Variants in GBX1 observed in about 807,000 individuals in gnomAD.
The protein encoded by GBX1 is gastrulation brain homeobox 1.
A neutral mutation model predicts 22.9 loss-of-function variants in GBX1; 9 were observed. The observed-to-expected ratio is 0.39, with a 90% CI of 0.24 to 0.69. The LOEUF is 0.69. Ranked by LOEUF, GBX1 falls within the 30% of genes least tolerant of loss-of-function variation. The probability of loss-of-function intolerance (pLI) is 0.43; values close to 1 mark genes in which losing one functional copy is unlikely to be tolerated. For missense variants in GBX1, 494 were observed against 509.2 expected (o/e 0.97, Z 0.29); for synonymous variants, 203 against 227.3 (o/e 0.89, Z 0.96).
chr7:151,167,451 G>T lies in GBX1; in HGVS notation c.98C>A (p.Pro33Gln), dbSNP rs929834883. 6.6e-7 allele frequency: 1 copy of T among 1,515,954 alleles called. No individual in the cohort carries two copies. The highest frequency in any genetic ancestry group is 8.8e-7 in the Non-Finnish European group (1 of 1,135,438). 93.9% of individuals were successfully genotyped at this position (1,515,954 alleles called of 1,614,324 possible). A position where few individuals can be genotyped will look rare whatever the true frequency, so the allele number is the denominator to read the frequency against. The change falls in exon 1 of 2, where the codon CCG becomes CAG. Residue 33 changes from proline to glutamine, a missense_variant. Transcript: ENST00000297537. The surrounding 1 kb of genome is among the most constrained non-coding windows in gnomAD (Gnocchi z 5.9). ...CAAGTGGCCGGAGCGCGGCGGCGGC[G>T]GCCCGATTAGGGAGTCGATGGAGAA... Reference protein sequence around the residue: ...TAFSIDSLIGPPPPRSGHLLY... With the variant: ...TAFSIDSLIGQPPPRSGHLLY...
At chr7:151,161,484 G>A (rs1439756107) in intron 1 of GBX1, among the ~76,000 whole-genome samples, 1 of 152,168 alleles carries the variant, frequency 6.6e-6, no homozygotes, top group Non-Finnish European at 1.5e-5. Flanking sequence ...GTGCCCTTAA[G>A]TCCTTTGTCA....
At position 151,167,158 on chromosome 7, in the gene GBX1, TGGCGGCGGC is replaced by T; in HGVS notation, c.382_390del (p.Ala128_Ala130del). The T allele has an allele frequency of 6.3e-7, 1 of 1,592,034 alleles. No individual in the cohort carries two copies. The highest frequency in any genetic ancestry group is 8.5e-7 in the Non-Finnish European group (1 of 1,171,704). ...GGCTCGGGGTTGTTTCGGGCGGCAG[TGGCGGCGGC>T]GGCGGCAGCGGCGGCGGCGAGCTCC... is the stretch of plus-strand genomic sequence containing the variant. On this transcript the variant is annotated inframe_deletion, in exon 1 of 2. Transcript: ENST00000297537. The surrounding 1 kb of genome is among the most constrained non-coding windows in gnomAD (Gnocchi z 5.9).
At chr7:151,152,155 G>C (rs1377025706) in intron 1 of GBX1, among the ~76,000 whole-genome samples, 1 of 152,176 alleles carries the variant, frequency 6.6e-6, no homozygotes, top group African/African-American at 2.4e-5. Flanking sequence ...ATACAGAGTA[G>C]ACACTCAATA....
intron 1 of GBX1, among the ~76,000 whole-genome samples, chr7:151,150,684 C>A (rs1197825668): frequency 6.6e-6 from 1 of 151,928 alleles, no homozygotes; most frequent in African/African-American, 2.4e-5. Flanking sequence ...TACACCTGGT[C>A]TTTTTCCTCA....
rs551574242 is a variant in GBX1, at chr7:151,150,075, A to G, written c.539-933T>C. 65 of 376,936 alleles carry G rather than the reference A, an allele frequency of 1.7e-4. 1 individual carries two copies. The highest frequency in any genetic ancestry group is 1.2e-3 in the South Asian group (63 of 54,488). The allele number at this position is 376,936 out of a possible 1,614,324, so 23.3% of individuals were successfully genotyped here. ...AAGAGGGAAAAGTGCAACAGGGACA[A>G]ATGAAGAGAAGGAAAGGGTAAAAAA... is the stretch of plus-strand genomic sequence containing the variant. On this transcript the variant is annotated intron_variant, in intron 1 of 1. Transcript: ENST00000297537.
intron 1 of GBX1, among the ~76,000 whole-genome samples, chr7:151,166,482 C>CCCG (rs1801252049): frequency 8.0e-6 from 1 of 124,984 alleles, no homozygotes; most frequent in African/African-American, 3.6e-5. Flanking sequence ...CAACCCCCCC[C>CCCG]CCCCAACACA....
chr7:151,163,215 A>G (rs1171617972), intron 1 of GBX1, among the ~76,000 whole-genome samples: 1 of 151,944 alleles, frequency 6.6e-6, no homozygotes, highest in African/African-American at 2.4e-5. Flanking sequence ...TGCACACAGC[A>G]AGTTAGCTTT....
At chr7:151,161,255 G>A (rs2150550281) in intron 1 of GBX1, among the ~76,000 whole-genome samples, 1 of 152,148 alleles carries the variant, frequency 6.6e-6, no homozygotes, top group South Asian at 2.1e-4. Context: ...ACTCATGCCT[G>A]CCACTCCAAG....
intron 1 of GBX1, among the ~76,000 whole-genome samples, chr7:151,163,095 C>T (rs549534414): frequency 1.3e-5 from 2 of 152,212 alleles, no homozygotes; most frequent in African/African-American, 2.4e-5. Context: ...CGTGAGCCAC[C>T]GCGCCCAGCT....
intron 1 of GBX1, among the ~76,000 whole-genome samples, chr7:151,162,407 T>C (rs1801195978): frequency 6.6e-6 from 1 of 152,242 alleles, no homozygotes; most frequent in South Asian, 2.1e-4. Flanking sequence ...TAGCTTACGG[T>C]AATCAGCACT....
At chr7:151,153,237 CT>C (rs1563548226) in intron 1 of GBX1, among the ~76,000 whole-genome samples, 1 of 152,162 alleles carries the variant, frequency 6.6e-6, no homozygotes. Flanking sequence ...CCTCATCTAC[CT>C]TTCCCCCCAG....
chr7:151,154,926 C>T (rs556294514), intron 1 of GBX1, among the ~76,000 whole-genome samples: 12 of 152,248 alleles, frequency 7.9e-5, no homozygotes, highest in South Asian at 4.2e-4. Flanking sequence ...GGGAGGCCTG[C>T]GCTAGAGGCA....
chr7:151,167,093 C>T lies in GBX1; in HGVS notation c.456G>A (p.Glu152=). 7 of 1,604,686 alleles carry T rather than the reference C, an allele frequency of 4.4e-6. No individual in the cohort carries two copies. The highest frequency in any genetic ancestry group is 5.9e-6 in the Non-Finnish European group (7 of 1,176,952). ...RRPEGGLEAD[E]LLPAREKVAE... is the part of the protein sequence containing the mutation. Reference sequence around the variant, plus strand: ...CCACTTTCTCCCGGGCCGGCAGCAGCTCATCAGCTTCCAGCCCACCCTCTG... The same window carrying T: ...CCACTTTCTCCCGGGCCGGCAGCAGTTCATCAGCTTCCAGCCCACCCTCTG... The change falls in exon 1 of 2, where the codon GAG becomes GAA. Residue 152 remains glutamate (E), a synonymous_variant. Coordinates refer to ENST00000297537, the MANE Select transcript of GBX1 (RefSeq NM_001098834.3). This position sits in a 1 kb window ranked among gnomAD's most constrained non-coding sequence, Gnocchi z 5.9.
At chr7:151,157,386 C>T (rs376467297) in intron 1 of GBX1, among the ~76,000 whole-genome samples, 11 of 152,320 alleles carry the variant, frequency 7.2e-5, no homozygotes, top group African/African-American at 2.2e-4. Flanking sequence ...AGCTCTTTCT[C>T]GTATAGGTAT....
intron 1 of GBX1, among the ~76,000 whole-genome samples, chr7:151,156,643 A>G (rs1226640948): frequency 6.6e-6 from 1 of 151,882 alleles, no homozygotes; most frequent in African/African-American, 2.4e-5. Context: ...TTTTGTCCTT[A>G]TTGGTTTGTA....
rs913956859 is a variant in GBX1, at chr7:151,167,174, A to G, written c.375T>C (p.Ala125=). The G allele has an allele frequency of 2.0e-4, 309 of 1,579,492 alleles. 3 individuals carry two copies. The East Asian group carries it at 5.0e-3, about 25-fold the overall frequency. The change falls in exon 1 of 2, where the codon GCT becomes GCC. Residue 125 remains alanine, a synonymous_variant. Coordinates refer to ENST00000297537, the MANE Select transcript of GBX1 (RefSeq NM_001098834.3). The surrounding 1 kb of genome is among the most constrained non-coding windows in gnomAD (Gnocchi z 5.9). ...GGGCGGCAGTGGCGGCGGCGGCGGC[A>G]GCGGCGGCGGCGAGCTCCTGGGGCC... ...FYGPQELAAA[A]AAAAATAARN...
At chr7:151,155,264 G>A (rs1395498183) in intron 1 of GBX1, among the ~76,000 whole-genome samples, 1 of 152,114 alleles carries the variant, frequency 6.6e-6, no homozygotes, top group Non-Finnish European at 1.5e-5. Flanking sequence ...CCTGAATCCA[G>A]TTCCAGTTTG....
At position 151,167,501 on chromosome 7, in the gene GBX1, G is replaced by C. The variant is rs1010495212; in HGVS notation, c.48C>G (p.Gly16=). 6.8e-7 allele frequency: 1 copy of C among 1,477,924 alleles called. No homozygotes were observed. Among genetic ancestry groups the C allele is most frequent in the South Asian group, 1.3e-5 (1 of 77,586 alleles). 91.6% of individuals were successfully genotyped at this position (1,477,924 alleles called of 1,614,324 possible). Residue 16 remains glycine (G), a synonymous_variant, in exon 1 of 2, where the codon GGC becomes GGG. Transcript: ENST00000297537. The surrounding 1 kb of genome is among the most constrained non-coding windows in gnomAD (Gnocchi z 5.9). ...AGGCAGTGCCCGGGCCCCCGCCGCC[G>C]CCCCCGCCGTTGCCCCCAGGGGCGC... ...GGSAPGGNGG[G]GGGGPGTAFS... is the part of the protein sequence containing the mutation.
intron 1 of GBX1, among the ~76,000 whole-genome samples, chr7:151,162,050 C>G (rs1451718676): frequency 6.6e-6 from 1 of 152,218 alleles, no homozygotes. Flanking sequence ...AATTATACAA[C>G]TAATGAGTGA....
Sources: allele counts gnomAD v4.1 joint callset (sites outside exome capture counted in the v4.1 genomes callset), GRCh38; gene constraint gnomAD v4.1.1; non-coding constraint Gnocchi (gnomAD v3.1); transcripts MANE v1.5; gene names NCBI Gene and HGNC (gene_info 2026-07-23, HGNC 2026-07-21).